The following CCDC141 variants were observed in gnomAD, a reference collection of about 807,000 sequenced individuals.
The protein encoded by CCDC141 is coiled-coil domain containing 141, also known as coiled-coil domain-containing protein 141.
A neutral mutation model predicts 181.0 loss-of-function variants in CCDC141; 168 were observed. The ratio of observed to expected loss-of-function variants is 0.93; its 90% CI spans 0.82 to 1.05. The LOEUF (loss-of-function observed/expected upper bound fraction) is 1.05. Ranked by LOEUF, CCDC141 falls within the 50% of genes least tolerant of loss-of-function variation. The probability of loss-of-function intolerance (pLI) is 0.00; values close to 1 mark genes in which losing one functional copy is unlikely to be tolerated. For missense variants in CCDC141, 1,902 were observed against 1,788.5 expected, an observed-to-expected ratio of 1.06 and a Z score of -1.14; for synonymous variants, 666 against 642.3, an observed-to-expected ratio of 1.04 and a Z score of -0.56.
At chr2:178,961,878 CA>C (rs1690417084) in intron 4 of CCDC141, among the ~76,000 whole-genome samples, 1 of 152,126 alleles carries the variant, frequency 6.6e-6, no homozygotes, top group African/African-American at 2.4e-5. Context: ...TATGACCAAA[CA>C]AAAACTCAAT....
intron 13 of CCDC141, among the ~76,000 whole-genome samples, chr2:178,871,829 C>T (rs1222294011): frequency 6.6e-6 from 1 of 152,114 alleles, no homozygotes; most frequent in Non-Finnish European, 1.5e-5. Context: ...AATACATTCA[C>T]ATCAATGTGC....
chr2:178,947,740 T>G (rs1408861310), intron 5 of CCDC141, among the ~76,000 whole-genome samples: 1 of 152,124 alleles, frequency 6.6e-6, no homozygotes, highest in Non-Finnish European at 1.5e-5. Context: ...AAAGTTAAAG[T>G]GGGGTGGCAG....
At chr2:178,931,698 T>C (rs1052267855) in intron 6 of CCDC141, among the ~76,000 whole-genome samples, 1 of 151,662 alleles carries the variant, frequency 6.6e-6, no homozygotes, top group Admixed American at 6.6e-5. Flanking sequence ...ATGAGTGTGG[T>C]GTTTCTTTTT....
chr2:179,009,831 G>T (rs1303316907), intron 2 of CCDC141, among the ~76,000 whole-genome samples: 1 of 152,110 alleles, frequency 6.6e-6, no homozygotes, highest in African/African-American at 2.4e-5. Context: ...GAATTCAGGA[G>T]GTTACTTATT....
At chr2:178,907,985 G>A (rs944972520) in intron 7 of CCDC141, among the ~76,000 whole-genome samples, 15 of 151,268 alleles carry the variant, frequency 9.9e-5, no homozygotes, top group African/African-American at 2.9e-4. Context: ...GGCAACAAGA[G>A]TGAAACTCCG....
chr2:178,951,684 A>G (rs184924652), intron 5 of CCDC141, among the ~76,000 whole-genome samples: 6 of 152,254 alleles, frequency 3.9e-5, no homozygotes, highest in African/African-American at 1.4e-4. Flanking sequence ...AGAAAAGCCA[A>G]TGATCACCAG....
At chr2:178,845,506 A>G (rs1684896546) in intron 22 of CCDC141, 120 bp downstream of exon 22, 6 of 648,630 alleles carry the variant, frequency 9.3e-6, no homozygotes, top group Middle Eastern at 4.3e-4. Context: ...TTGCATTTAC[A>G]CTGGGAAATT....
chr2:179,022,594 A>G (rs1032658965), intron 2 of CCDC141, among the ~76,000 whole-genome samples: 2 of 152,124 alleles, frequency 1.3e-5, no homozygotes, highest in Admixed American at 6.6e-5. Context: ...CTCTTTCTCC[A>G]TGAATATGTC....
At chr2:178,934,710 TAGAA>T (rs1202448946) in intron 6 of CCDC141, among the ~76,000 whole-genome samples, 1 of 152,186 alleles carries the variant, frequency 6.6e-6, no homozygotes, top group African/African-American at 2.4e-5. Context: ...AAAGTTTACT[TAGAA>T]AGAACTTACT....
At chr2:178,962,922 T>A (rs1267660636) in intron 4 of CCDC141, among the ~76,000 whole-genome samples, 1 of 152,180 alleles carries the variant, frequency 6.6e-6, no homozygotes, top group Non-Finnish European at 1.5e-5. Context: ...TCCTTCGTTA[T>A]CTTTACCGTA....
At chr2:179,044,403 C>A (rs62176021) in intron 2 of CCDC141, among the ~76,000 whole-genome samples, 1 of 152,186 alleles carries the variant, frequency 6.6e-6, no homozygotes, top group Admixed American at 6.5e-5. Flanking sequence ...CAACTTCAAA[C>A]TATACTACAG....
rs77371042 is a variant in CCDC141 at position 178,834,132 on chromosome 2, T to C, written c.*41A>G. 1.6e-3 allele frequency: 2,506 copies of C among 1,522,690 alleles called. 43 individuals are homozygous for C. The African/African-American group carries it at 0.031, about 19-fold the overall frequency. The allele number at this position is 1,522,690 out of a possible 1,614,324, so 94.3% of individuals were successfully genotyped here. ...GAAGATAAACGGCGGCACTTTTCTT[T>C]AGGCACATGAGAATGATGTCCATTG... is the stretch of plus-strand genomic sequence containing the variant. On this transcript the variant is annotated 3_prime_UTR_variant, in exon 24 of 24. Transcript: ENST00000443758.
chr2:178,852,004 T>C (rs1685185180), intron 20 of CCDC141, among the ~76,000 whole-genome samples: 1 of 152,236 alleles, frequency 6.6e-6, no homozygotes, highest in South Asian at 2.1e-4. Context: ...GAGACTCATG[T>C]CATTCATTTA....
intron 8 of CCDC141, among the ~76,000 whole-genome samples, 185 bp from the exon 9 acceptor site, chr2:178,888,853 G>C (rs1687013099): frequency 1.3e-5 from 2 of 152,184 alleles, no homozygotes; most frequent in South Asian, 4.2e-4. Flanking sequence ...TGTTTTGTCT[G>C]TCAGTCCTGA....
chr2:178,999,379 C>CA (rs1553500099), intron 2 of CCDC141, among the ~76,000 whole-genome samples: 1 of 152,124 alleles, frequency 6.6e-6, no homozygotes, highest in Non-Finnish European at 1.5e-5. Flanking sequence ...CCCCATACCT[C>CA]AGTTTCGTCT....
intron 8 of CCDC141, among the ~76,000 whole-genome samples, chr2:178,904,592 TTCTC>T (rs66849753): frequency 0.048 from 7,253 of 152,274 alleles, 458 homozygotes; most frequent in South Asian, 0.21. Context: ...AATTTTTTTG[TTCTC>T]TCTCTGTGAA....
chr2:178,980,578 G>T (rs987267376), intron 2 of CCDC141, among the ~76,000 whole-genome samples: 1 of 152,184 alleles, frequency 6.6e-6, no homozygotes, highest in Non-Finnish European at 1.5e-5. Flanking sequence ...TGGTAGAAAA[G>T]CTTTGAGATA....
At chr2:178,869,050 T>A (rs1685988106) in intron 15 of CCDC141, 67 bp downstream of exon 15, 30 of 1,200,624 alleles carry the variant, frequency 2.5e-5, no homozygotes, top group Middle Eastern at 4.1e-4. Flanking sequence ...ATTTATTATA[T>A]AATAATTCAT....
chr2:178,946,099 G>A (rs1689721866), intron 5 of CCDC141, among the ~76,000 whole-genome samples: 1 of 152,110 alleles, frequency 6.6e-6, no homozygotes, highest in South Asian at 2.1e-4. Flanking sequence ...AAATAATACT[G>A]GTGACCTTAT....
Sources: gnomAD v4.1 joint callset for allele counts (sites outside exome capture counted in the v4.1 genomes callset) on GRCh38, gnomAD v4.1.1 for gene constraint, MANE v1.5 for transcripts, NCBI Gene and HGNC (gene_info 2026-07-23, HGNC 2026-07-21) for gene names.